Variants in CLEC4C observed in about 807,000 individuals in gnomAD.
CLEC4C encodes the protein C-type (calcium dependent, carbohydrate-recognition domain) lectin, superfamily member 11.
A neutral mutation model predicts 27.7 loss-of-function variants in CLEC4C; 17 were observed. That is an observed-to-expected ratio of 0.61 (90% CI 0.42 to 0.92). CLEC4C has a LOEUF of 0.92. Ranked by LOEUF, CLEC4C falls within the 40% of genes least tolerant of loss-of-function variation. CLEC4C has a pLI of 0.00. For missense variants in CLEC4C, 244 were observed against 257.3 expected, an observed-to-expected ratio of 0.95 and a Z score of 0.35; for synonymous variants, 80 against 80.8, an observed-to-expected ratio of 0.99 and a Z score of 0.06.
intron 3 of CLEC4C, among the ~76,000 whole-genome samples, chr12:7,740,812 G>A (rs1283366370): frequency 1.3e-5 from 2 of 151,716 alleles, no homozygotes; most frequent in South Asian, 4.2e-4. Context: ...ACAGTTCTGA[G>A]GACCCCTGTT....
chr12:7,739,206 G>A (rs746491373), intron 3 of CLEC4C, among the ~76,000 whole-genome samples: 24 of 151,306 alleles, frequency 1.6e-4, no homozygotes, highest in African/African-American at 5.3e-4. Context: ...TTCGCCTCCC[G>A]GGTTCAAGCA....
At chr12:7,739,729 G>C (rs1406079756) in intron 3 of CLEC4C, among the ~76,000 whole-genome samples, 1 of 151,970 alleles carries the variant, frequency 6.6e-6, no homozygotes, top group Non-Finnish European at 1.5e-5. Context: ...ACCCGGGCTG[G>C]AGTGCAGCAG....
In CLEC4C at chr12:7,729,442, G is replaced by A. The variant is rs79787224; in HGVS notation, c.*154C>T. The A allele has an allele frequency of 0.13, 82,196 of 613,974 alleles. 6,415 individuals are homozygous for A. Among genetic ancestry groups the A allele is most frequent in the Middle Eastern group, 0.21 (490 of 2,292 alleles). 38.0% of individuals were successfully genotyped at this position (613,974 alleles called of 1,614,324 possible). A position where few individuals can be genotyped will look rare whatever the true frequency, so the allele number is the denominator to read the frequency against. ...TGAATAAATGAATAAATGAATGTGT[G>A]AATGGATTATATCATAAGTGTAATA... is the stretch of plus-strand genomic sequence containing the variant. On this transcript the variant is annotated 3_prime_UTR_variant, in exon 6 of 6. Transcript: ENST00000360345.
intron 4 of CLEC4C, 89 bp downstream of exon 4, chr12:7,737,340 T>A: frequency 6.6e-6 from 6 of 903,156 alleles, no homozygotes; most frequent in East Asian, 3.3e-5. Flanking sequence ...TTTTTTTTCC[T>A]GTCTTTGAAC....
chr12:7,747,922 C>CAAAAAAAAA (rs36046177), upstream of CLEC4C, among the ~76,000 whole-genome samples: 1 of 104,916 alleles, frequency 9.5e-6, no homozygotes, highest in South Asian at 3.4e-4. Context: ...ACTCCATCTC[C>CAAAAAAAAA]AAAAAAAAAA....
intron 4 of CLEC4C, among the ~76,000 whole-genome samples, chr12:7,733,690 C>A (rs1396894472): frequency 6.6e-6 from 1 of 151,576 alleles, no homozygotes; most frequent in Non-Finnish European, 1.5e-5. Context: ...ACCATATTAG[C>A]CAGGATGGTC....
At chr12:7,740,570 G>A (rs1249119375) in intron 3 of CLEC4C, among the ~76,000 whole-genome samples, 1 of 151,730 alleles carries the variant, frequency 6.6e-6, no homozygotes, top group East Asian at 2.0e-4. Context: ...GCCTGGCAGC[G>A]TGTGCCTGTA....
intron 4 of CLEC4C, among the ~76,000 whole-genome samples, chr12:7,736,215 G>A (rs1312498616): frequency 2.0e-5 from 3 of 152,080 alleles, no homozygotes; most frequent in African/African-American, 7.2e-5. Flanking sequence ...CCTGGGAGGC[G>A]GAGGTTGCAG....
At chr12:7,742,510 C>T (rs1565463212) in intron 2 of CLEC4C, among the ~76,000 whole-genome samples, 1 of 76,914 alleles carries the variant, frequency 1.3e-5, no homozygotes, top group African/African-American at 3.9e-5. Context: ...GACTTTGTCT[C>T]GAAAAAAAAA....
intron 5 of CLEC4C, among the ~76,000 whole-genome samples, chr12:7,730,175 C>G (rs1374443947): frequency 1.3e-5 from 2 of 152,130 alleles, no homozygotes; most frequent in Admixed American, 1.3e-4. Context: ...GGTAAATTCC[C>G]TGGATCTGCT....
chr12:7,729,429 TAAATG>T lies in CLEC4C; in HGVS notation c.*162_*166del. 1 of 587,224 alleles carries T rather than the reference TAAATG, an allele frequency of 1.7e-6. No homozygotes were observed. 36.4% of individuals were successfully genotyped at this position (587,224 alleles called of 1,614,324 possible). ...ATGAATGAATAAATGAATAAATGAA[TAAATG>T]AATGTGTGAATGGATTATATCATAA... On this transcript the variant is annotated 3_prime_UTR_variant, in exon 6 of 6. Transcript: ENST00000360345.
chr12:7,742,576 C>A (rs889860762), intron 2 of CLEC4C, among the ~76,000 whole-genome samples: 3 of 150,700 alleles, frequency 2.0e-5, no homozygotes, highest in Non-Finnish European at 4.4e-5. Context: ...TTTGGGAGGC[C>A]GAGGTGGGTG....
At chr12:7,735,275 G>A (rs748008596) in intron 4 of CLEC4C, among the ~76,000 whole-genome samples, 2 of 151,876 alleles carry the variant, frequency 1.3e-5, no homozygotes, top group Admixed American at 1.3e-4. Context: ...GGCTGGGGCA[G>A]GTAGATCACC....
chr12:7,733,177 A>C (rs1864640473), intron 4 of CLEC4C, among the ~76,000 whole-genome samples: 1 of 151,866 alleles, frequency 6.6e-6, no homozygotes, highest in African/African-American at 2.4e-5. Context: ...AATAACAGAG[A>C]TCTAACTCTA....
chr12:7,730,639 TAAAAAA>T (rs80129912), intron 5 of CLEC4C, 152 bp downstream of exon 5: 10 of 286,098 alleles, frequency 3.5e-5, no homozygotes, highest in South Asian at 3.8e-5. Flanking sequence ...GACTCTTGTC[TAAAAAA>T]AAAAAAAAAA....
At position 7,746,347 on chromosome 12, in the gene CLEC4C, G is replaced by T; in HGVS notation, c.108C>A (p.Phe36Leu). The T allele has an allele frequency of 6.2e-7, 1 of 1,612,510 alleles. No homozygotes were observed. Residue 36 changes from phenylalanine to leucine, a missense_variant, in exon 2 of 6, where the codon TTC becomes TTA. Phe to Leu is a conservative substitution (Grantham distance 22). Transcript: ENST00000360345. The stretch of plus-strand genomic sequence containing the variant: ...AGAACTTACCCACAGAACTCACAGT[G>T]AAACAGACACTGAGGAGCAAGATGG... Reference protein sequence around the residue: ...VVSILLLSVCFTVSSVVPHNF... With the variant: ...VVSILLLSVCLTVSSVVPHNF...
At chr12:7,741,969 C>T (rs1028900370) in intron 2 of CLEC4C, among the ~76,000 whole-genome samples, 8 of 151,798 alleles carry the variant, frequency 5.3e-5, no homozygotes, top group Admixed American at 2.6e-4. Flanking sequence ...TGCAGTGAGC[C>T]GAGACCGCGC....
In CLEC4C at chr12:7,729,612, T is replaced by G; in HGVS notation, c.626A>C (p.Lys209Thr). The G allele has an allele frequency of 6.2e-7, 1 of 1,613,722 alleles. No homozygotes were observed. Among genetic ancestry groups the G allele is most frequent in the Non-Finnish European group, 8.5e-7 (1 of 1,179,840 alleles). Residue 209 changes from lysine to threonine, a missense_variant, in exon 6 of 6, where the codon AAG (lysine) becomes ACG (threonine). By Grantham distance (78) the Lys-to-Thr change is moderately conservative. Transcript: ENST00000360345. The stretch of plus-strand genomic sequence containing the variant: ...ATATTTCATTTATATGTAGATCTTC[T>G]TCATCTTGCAAATTGACTTCTGAGG... The part of the protein sequence containing the change: ...HVPQKSICKM[K>T]KIYI
chr12:7,744,990 G>A (rs1033184396), intron 2 of CLEC4C, among the ~76,000 whole-genome samples: 2 of 152,048 alleles, frequency 1.3e-5, no homozygotes, highest in Admixed American at 6.6e-5. Flanking sequence ...TAGCATCATA[G>A]AAAGAATAAT....
Sources: allele counts gnomAD v4.1 joint callset (sites outside exome capture counted in the v4.1 genomes callset), GRCh38; gene constraint gnomAD v4.1.1; transcripts MANE v1.5; gene names NCBI Gene and HGNC (gene_info 2026-07-23, HGNC 2026-07-21).